CDH19: variants seen among roughly 807,000 people sequenced by gnomAD.
The protein encoded by CDH19 is cadherin-19.
A neutral mutation model predicts 64.2 loss-of-function variants in CDH19; 67 were observed. The ratio of observed to expected loss-of-function variants is 1.04; its 90% CI spans 0.86 to 1.28. CDH19 has a LOEUF of 1.28. Ranked by LOEUF, CDH19 falls within the 50% of genes most tolerant of loss-of-function variation. The pLI is 0.00. For synonymous variants in CDH19, 346 were observed against 319.3 expected, an observed-to-expected ratio of 1.08 and a Z score of -0.89; for missense variants, 1,030 against 929.0, an observed-to-expected ratio of 1.11 and a Z score of -1.41.
chr18:66,513,562 T>G (rs538468074), intron 9 of CDH19, among the ~76,000 whole-genome samples: 29 of 151,576 alleles, frequency 1.9e-4, no homozygotes, highest in African/African-American at 7.0e-4. Flanking sequence ...CACATTAATA[T>G]GCTAATAAGT....
intron 3 of CDH19, among the ~76,000 whole-genome samples, chr18:66,558,761 T>C (rs138471287): frequency 1.5e-3 from 223 of 152,208 alleles, no homozygotes; most frequent in Non-Finnish European, 2.8e-3. Context: ...TGTCTTATAG[T>C]GCCCCTTTCC....
At chr18:66,591,700 T>C (rs914173640) in intron 1 of CDH19, among the ~76,000 whole-genome samples, 1 of 151,850 alleles carries the variant, frequency 6.6e-6, no homozygotes, top group African/African-American at 2.4e-5. Context: ...AACTTACAAG[T>C]GGAATTCTAT....
At chr18:66,544,668 ATGTTT>A (rs1987031828) in intron 6 of CDH19, 46 bp downstream of exon 6, 2 of 1,234,586 alleles carry the variant, frequency 1.6e-6, no homozygotes, top group Middle Eastern at 2.3e-4. Context: ...AAAATATGTT[ATGTTT>A]TAATTTTGCG....
At chr18:66,591,499 T>G (rs1000402260) in intron 1 of CDH19, among the ~76,000 whole-genome samples, 1 of 151,870 alleles carries the variant, frequency 6.6e-6, no homozygotes, top group Admixed American at 6.6e-5. Flanking sequence ...CACCGAAGAT[T>G]AGTGTGCACA....
At chr18:66,596,587 C>T (rs561076701) in intron 1 of CDH19, among the ~76,000 whole-genome samples, 2 of 152,078 alleles carry the variant, frequency 1.3e-5, no homozygotes, top group South Asian at 4.1e-4. Context: ...AGGAACACAG[C>T]TAGTCAGGGA....
At chr18:66,592,892 T>C (rs1988783778) in intron 1 of CDH19, among the ~76,000 whole-genome samples, 1 of 151,940 alleles carries the variant, frequency 6.6e-6, no homozygotes, top group African/African-American at 2.4e-5. Flanking sequence ...ACTGATGTTC[T>C]TTCATTTCAA....
intron 1 of CDH19, among the ~76,000 whole-genome samples, chr18:66,582,776 T>C (rs1308745893): frequency 6.6e-6 from 1 of 151,610 alleles, no homozygotes; most frequent in African/African-American, 2.4e-5. Context: ...AATCCTAAGA[T>C]ATACAGCAAC....
intron 1 of CDH19, among the ~76,000 whole-genome samples, chr18:66,594,728 C>A (rs944567423): frequency 2.0e-5 from 3 of 150,890 alleles, no homozygotes; most frequent in Non-Finnish European, 4.4e-5. Flanking sequence ...AATTGGAAAT[C>A]ATCATTCTCA....
intron 3 of CDH19, among the ~76,000 whole-genome samples, chr18:66,563,458 G>A (rs1316146506): frequency 6.6e-6 from 1 of 151,854 alleles, no homozygotes; most frequent in East Asian, 1.9e-4. Flanking sequence ...GAGATGTTGG[G>A]TTGTATAATT....
intron 4 of CDH19, among the ~76,000 whole-genome samples, 172 bp downstream of exon 4, chr18:66,554,233 C>T (rs1012422837): frequency 6.6e-6 from 1 of 152,024 alleles, no homozygotes; most frequent in Middle Eastern, 3.4e-3. Flanking sequence ...AATCCAGTCT[C>T]CTAGAAGTAT....
intron 8 of CDH19, chr18:66,532,519 C>CAG (rs1555685608): frequency 7.8e-5 from 23 of 294,678 alleles, no homozygotes; most frequent in South Asian, 2.8e-4. Flanking sequence ...CACACACACA[C>CAG]AGAGAAAGAG....
intron 9 of CDH19, among the ~76,000 whole-genome samples, chr18:66,512,980 T>G (rs538438593): frequency 1.3e-5 from 2 of 151,698 alleles, no homozygotes; most frequent in South Asian, 4.1e-4. Context: ...ATGTCTATTA[T>G]GTGTTCCTCA....
intron 8 of CDH19, among the ~76,000 whole-genome samples, chr18:66,531,103 A>C (rs1199124249): frequency 3.9e-5 from 6 of 152,180 alleles, no homozygotes; most frequent in Non-Finnish European, 2.9e-5. Flanking sequence ...CGACTCTAGC[A>C]ATGGATAATG....
At chr18:66,602,252 C>T (rs7234582) in intron 1 of CDH19, among the ~76,000 whole-genome samples, 36 of 151,966 alleles carry the variant, frequency 2.4e-4, no homozygotes, top group Admixed American at 5.9e-4. Flanking sequence ...ATGTTTTAAA[C>T]ATAACATATA....
intron 7 of CDH19, among the ~76,000 whole-genome samples, chr18:66,538,854 C>A (rs1986780088): frequency 6.6e-6 from 1 of 152,054 alleles, no homozygotes; most frequent in African/African-American, 2.4e-5. Flanking sequence ...TGTCACATGG[C>A]AGTCCTCTCC....
At chr18:66,574,109 A>G (rs1988192947) in intron 1 of CDH19, among the ~76,000 whole-genome samples, 1 of 151,754 alleles carries the variant, frequency 6.6e-6, no homozygotes, top group African/African-American at 2.4e-5. Flanking sequence ...CATTTGGTCT[A>G]CAGGTTTCCT....
chr18:66,584,057 A>C (rs1988502090), intron 1 of CDH19, among the ~76,000 whole-genome samples: 1 of 152,066 alleles, frequency 6.6e-6, no homozygotes, highest in Non-Finnish European at 1.5e-5. Context: ...TTAACAGACT[A>C]AACAGGAAAA....
intron 9 of CDH19, among the ~76,000 whole-genome samples, chr18:66,514,667 A>C (rs368577629): frequency 6.6e-6 from 1 of 151,576 alleles, no homozygotes. Context: ...TCACTATTTG[A>C]CTTTAAAGAT....
intron 3 of CDH19, among the ~76,000 whole-genome samples, chr18:66,567,236 T>C (rs1416477851): frequency 6.6e-6 from 1 of 151,490 alleles, no homozygotes; most frequent in African/African-American, 2.4e-5. Context: ...CATCATAATA[T>C]ATGCAAGAAG....
Sources: allele counts gnomAD v4.1 joint callset (sites outside exome capture counted in the v4.1 genomes callset), GRCh38; gene constraint gnomAD v4.1.1; transcripts MANE v1.5; gene names NCBI Gene and HGNC (gene_info 2026-07-23, HGNC 2026-07-21).